Variants in PANX3 observed in about 807,000 individuals in gnomAD.
The protein encoded by PANX3 is pannexin-3.
In PANX3, 18 loss-of-function variants were observed where a neutral mutation model predicts 31.5. The observed-to-expected ratio is 0.57, with a 90% CI of 0.39 to 0.85. The LOEUF (loss-of-function observed/expected upper bound fraction) is 0.85. PANX3 is among the 40% of genes least tolerant of loss of function. PANX3 has a pLI of 0.00. For synonymous variants in PANX3, 194 were observed against 201.6 expected, an observed-to-expected ratio of 0.96 and a Z score of 0.32; for missense variants, 426 against 485.4, an observed-to-expected ratio of 0.88 and a Z score of 1.15.
At position 124,617,487 on chromosome 11, in the gene PANX3, A is replaced by T; in HGVS notation, c.538A>T (p.Lys180Ter). The T allele has an allele frequency of 6.2e-7, 1 of 1,614,034 alleles. No individual in the cohort carries two copies. Among genetic ancestry groups the T allele is most frequent in the Non-Finnish European group, 8.5e-7 (1 of 1,179,892 alleles). ...CTATGTGTTCTGGAATGAGCTGGAGAAGTGAGTTGTCTCTTCCACCTTTTT... is the reference window on the plus strand; with the variant it reads ...CTATGTGTTCTGGAATGAGCTGGAGTAGTGAGTTGTCTCTTCCACCTTTTT... ...DPYVFWNELE[K>*]ARKERYFEFP... The change falls in exon 3 of 4, where the codon AAG (lysine) becomes TAG (stop). Residue 180 changes from lysine to a stop codon, truncating the protein, a stop_gained and splice_region_variant. Coordinates refer to ENST00000284288, the MANE Select transcript of PANX3 (RefSeq NM_052959.3). LOFTEE classifies it high-confidence loss of function.
chr11:124,613,017 C>A lies in PANX3; in HGVS notation c.219C>A (p.Ser73Arg), dbSNP rs983154818. The change falls in exon 2 of 4, where the codon AGC becomes AGA. Residue 73 changes from serine (S) to arginine (R), a missense_variant. Transcript: ENST00000284288. Reference sequence around the variant, plus strand: ...GCTGCTTCTCTCCCAGTAACTTCAGCATCCGGCAGGCAGCCTACGTGGACA... The same window carrying A: ...GCTGCTTCTCTCCCAGTAACTTCAGAATCCGGCAGGCAGCCTACGTGGACA... The part of the protein sequence containing the change: ...PISCFSPSNF[S>R]IRQAAYVDSS... 1.1e-5 allele frequency: 17 copies of A among 1,614,036 alleles called. No individual in the cohort carries two copies. Among genetic ancestry groups the A allele is most frequent in the Non-Finnish European group, 1.3e-5 (15 of 1,180,030 alleles).
chr11:124,611,746 C>T lies in PANX3; in HGVS notation c.181+9C>T. ...CCAGGAGTTCTCCTCTGGTAAGTTG[C>T]TTCCAAGACCCAGTGCGCAAGAGAG... On this transcript the variant is annotated intron_variant, in intron 1 of 3. Transcript: ENST00000284288. 6.2e-7 allele frequency: 1 copy of T among 1,611,946 alleles called. No homozygotes were observed. The highest frequency in any genetic ancestry group is 2.2e-5 in the East Asian group (1 of 44,844).
chr11:124,613,521 G>T (rs1863118653), intron 2 of PANX3, among the ~76,000 whole-genome samples: 1 of 152,126 alleles, frequency 6.6e-6, no homozygotes, highest in South Asian at 2.1e-4. Context: ...TAGGAACTCG[G>T]CTGTGGGTCT....
chr11:124,618,099 C>T (rs1429821673), intron 3 of PANX3, among the ~76,000 whole-genome samples: 4 of 152,088 alleles, frequency 2.6e-5, no homozygotes, highest in South Asian at 2.1e-4. Flanking sequence ...ATGAAATCTA[C>T]GTTCTGAGAT....
Position 124,619,662 on chromosome 11 carries a change from A to G in PANX3, c.906A>G (p.Leu302=), listed in dbSNP as rs569794450. Residue 302 remains leucine, a synonymous_variant, in exon 4 of 4, where the codon TTA becomes TTG. Transcript: ENST00000284288. ...TATGTCGGTGGGACAAACGACTTTT[A>G]TCTGTCTATGAGATGCTCCCAGCTT... ...TRLCRWDKRL[L]SVYEMLPAFD... is the part of the protein sequence containing the mutation. 48 of 1,614,212 alleles carry G rather than the reference A, an allele frequency of 3.0e-5. No individual in the cohort carries two copies. Among genetic ancestry groups the G allele is most frequent in the Admixed American group, 2.8e-4 (17 of 60,030 alleles).
At position 124,619,998 on chromosome 11, in the gene PANX3, C is replaced by A; in HGVS notation, c.*63C>A. ...TCTCTCCTTCCTCATAAGACATGCA[C>A]ACTAATACACATACACACCAAAAAA... On this transcript the variant is annotated 3_prime_UTR_variant, in exon 4 of 4. Transcript: ENST00000284288. 1 of 1,499,590 alleles carries A rather than the reference C, an allele frequency of 6.7e-7. No individual in the cohort carries two copies. Among genetic ancestry groups the A allele is most frequent in the Non-Finnish European group, 9.0e-7 (1 of 1,116,800 alleles). 92.9% of individuals were successfully genotyped at this position (1,499,590 alleles called of 1,614,324 possible).
rs377074068 is a variant in PANX3, at chr11:124,619,419, C to T, written c.663C>T (p.Ser221=). ...LRNSLLLIFT[S]ATYLYLGHFH... ...ACTCCCTCTTGCTCATCTTCACCTC[C>T]GCCACTTACCTATACCTTGGTCATT... Residue 221 remains serine (S), a synonymous_variant, in exon 4 of 4, where the codon TCC becomes TCT. Transcript: ENST00000284288. 23 of 1,614,046 alleles carry T rather than the reference C, an allele frequency of 1.4e-5. No individual in the cohort carries two copies. Among genetic ancestry groups the T allele is most frequent in the South Asian group, 9.9e-5 (9 of 91,084 alleles).
intron 3 of PANX3, 38 bp from the exon 4 acceptor site, chr11:124,619,258 G>T (rs1468718328): frequency 6.3e-7 from 1 of 1,578,128 alleles, no homozygotes; most frequent in South Asian, 1.2e-5. Context: ...GTTCTAAATG[G>T]TCACTACTAA....
intron 2 of PANX3, among the ~76,000 whole-genome samples, chr11:124,615,841 A>G (rs1863147386): frequency 6.6e-6 from 1 of 152,034 alleles, no homozygotes; most frequent in African/African-American, 2.4e-5. Context: ...GTGAAACCCC[A>G]TCTCTACTAA....
chr11:124,618,881 T>C (rs1863182431), intron 3 of PANX3, among the ~76,000 whole-genome samples: 1 of 152,186 alleles, frequency 6.6e-6, no homozygotes, highest in Non-Finnish European at 1.5e-5. Context: ...CCTGGGCTTA[T>C]GGGACCCTTC....
At chr11:124,613,706 C>A (rs1863120198) in intron 2 of PANX3, among the ~76,000 whole-genome samples, 1 of 151,876 alleles carries the variant, frequency 6.6e-6, no homozygotes, top group African/African-American at 2.4e-5. Flanking sequence ...AAAGGATCTG[C>A]GGGCTGCTTC....
chr11:124,617,252 C>T (rs1390103274), intron 2 of PANX3, 22 bp from the exon 3 acceptor site: 4 of 1,590,500 alleles, frequency 2.5e-6, no homozygotes, highest in Non-Finnish European at 3.4e-6. Context: ...GGCCTCCCTC[C>T]TCAGCTGCTC....
chr11:124,614,625 A>C (rs1459820284), intron 2 of PANX3, among the ~76,000 whole-genome samples: 2 of 150,298 alleles, frequency 1.3e-5, no homozygotes, highest in African/African-American at 4.9e-5. Flanking sequence ...CTACAACAGA[A>C]TCTCTAAGTA....
At chr11:124,613,170 T>G in intron 2 of PANX3, 48 bp downstream of exon 2, 1 of 1,585,524 alleles carries the variant, frequency 6.3e-7, no homozygotes, top group South Asian at 1.1e-5. Flanking sequence ...AGTGGAGTGG[T>G]GCAGAACCCC....
At chr11:124,614,167 T>TA (rs71042444) in intron 2 of PANX3, among the ~76,000 whole-genome samples, 3,288 of 73,334 alleles carry the variant, frequency 0.045, 81 homozygotes, top group East Asian at 0.076. Flanking sequence ...ATCTAAATGG[T>TA]AAAAAAAAAA....
Position 124,619,351 on chromosome 11 carries a change from A to T in PANX3, c.595A>T (p.Lys199Ter). 1 of 1,614,190 alleles carries T rather than the reference A, an allele frequency of 6.2e-7. No homozygotes were observed. The highest frequency in any genetic ancestry group is 8.5e-7 in the Non-Finnish European group (1 of 1,180,018). ...TTTGCTAGAGCGGTACCTGGCATGT[A>T]AGCAGCGTTCACATTCGCTAGTGGC... ...FPLLERYLACKQRSHSLVATY... is the reference protein window; with the variant it reads ...FPLLERYLAC The change falls in exon 4 of 4, where the codon AAG (lysine) becomes TAG (stop). Residue 199 changes from lysine (K) to a stop codon, truncating the protein, a stop_gained. Transcript: ENST00000284288. LOFTEE classifies it high-confidence loss of function.
rs1025054580 is a variant in PANX3 at position 124,611,510 on chromosome 11, C to T, written c.-47C>T. ...AGCTGCCGTCTCCTCATTCCACCAT[C>T]CCAGGACCCCTGCTGCCACCTCTGC... On this transcript the variant is annotated 5_prime_UTR_variant, in exon 1 of 4. Transcript: ENST00000284288. The T allele has an allele frequency of 2.1e-5, 32 of 1,550,548 alleles. No individual in the cohort carries two copies. The highest frequency in any genetic ancestry group is 2.5e-5 in the Non-Finnish European group (29 of 1,143,018).
chr11:124,617,923 A>G (rs529763967), intron 3 of PANX3, among the ~76,000 whole-genome samples: 1 of 152,242 alleles, frequency 6.6e-6, no homozygotes, highest in Non-Finnish European at 1.5e-5. Flanking sequence ...CAAATTATTT[A>G]TCTATGTAAT....
In PANX3 at chr11:124,619,314, C is replaced by CT. The variant is rs767540945; in HGVS notation, c.561dup (p.Glu188Ter). On this transcript the variant is annotated frameshift_variant, in exon 4 of 4. Coordinates refer to ENST00000284288, the MANE Select transcript of PANX3 (RefSeq NM_052959.3). LOFTEE classifies it high-confidence loss of function. ...TGCCCAGGGCTCGGAAAGAACGATA[C>CT]TTTGAATTCCCTTTGCTAGAGCGGT... 1.6e-5 allele frequency: 26 copies of CT among 1,613,362 alleles called. No individual in the cohort carries two copies. Among genetic ancestry groups the CT allele is most frequent in the Middle Eastern group, 3.4e-4 (2 of 5,812 alleles).
Sources: allele counts gnomAD v4.1 joint callset (sites outside exome capture counted in the v4.1 genomes callset), GRCh38; gene constraint gnomAD v4.1.1; transcripts MANE v1.5; gene names NCBI Gene and HGNC (gene_info 2026-07-23, HGNC 2026-07-21).